Variants in TAMM41 observed in about 807,000 individuals in gnomAD.
TAMM41 encodes phosphatidate cytidylyltransferase, mitochondrial.
In TAMM41, 36 loss-of-function variants were observed where a neutral mutation model predicts 44.1. The ratio of observed to expected loss-of-function variants is 0.82; its 90% CI spans 0.63 to 1.08. TAMM41 has a LOEUF of 1.08. TAMM41 is among the 50% of genes least tolerant of loss of function. TAMM41 has a pLI of 0.00. For synonymous variants in TAMM41, 164 were observed against 153.1 expected (o/e 1.07, Z -0.53); for missense variants, 417 against 404.3 (o/e 1.03, Z -0.27).
At chr3:11,760,707 C>T in the TAMM41 span, among the ~76,000 whole-genome samples, 1 of 151,970 alleles carries the variant, frequency 6.6e-6, no homozygotes, top group Non-Finnish European at 1.5e-5. Context: ...ACTATAGGGG[C>T]CCGCCACCAT....
At chr3:11,831,496 T>A (rs768461169) in intron 3 of TAMM41, among the ~76,000 whole-genome samples, 2 of 152,214 alleles carry the variant, frequency 1.3e-5, no homozygotes, top group Non-Finnish European at 2.9e-5. Context: ...ATGTCTAAAA[T>A]ATATCTACCA....
chr3:11,815,349 AG>A (rs1193454921), intron 5 of TAMM41, among the ~76,000 whole-genome samples: 2 of 152,186 alleles, frequency 1.3e-5, no homozygotes, highest in African/African-American at 2.4e-5. Flanking sequence ...GGAACAGGGC[AG>A]GGGGCTCCAG....
At chr3:11,820,360 TGA>T (rs1366279919) in intron 4 of TAMM41, among the ~76,000 whole-genome samples, 1 of 152,220 alleles carries the variant, frequency 6.6e-6, no homozygotes, top group Non-Finnish European at 1.5e-5. Context: ...AGTCACTTTC[TGA>T]GAGAAGGATT....
chr3:11,736,122 T>C, the TAMM41 span, among the ~76,000 whole-genome samples: 1 of 152,166 alleles, frequency 6.6e-6, no homozygotes, highest in Non-Finnish European at 1.5e-5. Context: ...TCCTGTGTAG[T>C]TTCCAAAATG....
At chr3:11,767,295 CT>C in the TAMM41 span, among the ~76,000 whole-genome samples, 105 of 152,266 alleles carry the variant, frequency 6.9e-4, 1 homozygote, top group East Asian at 0.018. Flanking sequence ...TCTCGAACTC[CT>C]GACTTCAAGT....
chr3:11,777,122 T>C, the TAMM41 span, among the ~76,000 whole-genome samples: 1 of 152,226 alleles, frequency 6.6e-6, no homozygotes, highest in Non-Finnish European at 1.5e-5. Context: ...AGCTCCTAAG[T>C]GTTCTCACCA....
At chr3:11,749,751 G>T in the TAMM41 span, among the ~76,000 whole-genome samples, 1 of 152,290 alleles carries the variant, frequency 6.6e-6, no homozygotes, top group South Asian at 2.1e-4. Context: ...GATCCGCTGG[G>T]TCTGCTTGTT....
the TAMM41 span, among the ~76,000 whole-genome samples, chr3:11,747,279 C>T: frequency 6.6e-6 from 1 of 152,082 alleles, no homozygotes; most frequent in Non-Finnish European, 1.5e-5. Flanking sequence ...GCCAGCTGGT[C>T]TCCAACTCCT....
At chr3:11,756,153 C>A in the TAMM41 span, among the ~76,000 whole-genome samples, 2 of 152,206 alleles carry the variant, frequency 1.3e-5, no homozygotes, top group Admixed American at 1.3e-4. Context: ...ATAGTAGGTG[C>A]TCAATAAATG....
the TAMM41 span, among the ~76,000 whole-genome samples, chr3:11,750,585 C>T: frequency 6.6e-6 from 1 of 152,156 alleles, no homozygotes; most frequent in East Asian, 1.9e-4. Context: ...TCTGGGATTA[C>T]AGGTGTGAGC....
intron 7 of TAMM41, among the ~76,000 whole-genome samples, chr3:11,794,330 G>A (rs2077556290): frequency 6.6e-6 from 1 of 151,904 alleles, no homozygotes; most frequent in Admixed American, 6.6e-5. Context: ...TAGAGATGGG[G>A]TCTTGCTTTG....
At chr3:11,722,393 G>A in the TAMM41 span, among the ~76,000 whole-genome samples, 1 of 152,136 alleles carries the variant, frequency 6.6e-6, no homozygotes, top group African/African-American at 2.4e-5. Flanking sequence ...TTGTTGTAAA[G>A]GTCTAGGGGG....
the TAMM41 span, among the ~76,000 whole-genome samples, chr3:11,747,877 A>ATTTTTT: frequency 2.6e-5 from 1 of 38,766 alleles, no homozygotes; most frequent in South Asian, 1.6e-3. Context: ...CTATTTATTT[A>ATTTTTT]TTTATTTTTT....
In TAMM41 at chr3:11,846,615, T is replaced by C. The variant is rs2079708522; in HGVS notation, c.22A>G (p.Ser8Gly). 3 of 1,614,116 alleles carry C rather than the reference T, an allele frequency of 1.9e-6. No individual in the cohort carries two copies. The East Asian group carries it at 6.7e-5, about 36-fold the overall frequency. The change falls in exon 1 of 8, where the codon AGC (serine) becomes GGC (glycine). Residue 8 changes from serine (S) to glycine (G), a missense_variant. Coordinates refer to ENST00000455809, the MANE Select transcript of TAMM41 (RefSeq NM_001284401.2). MALQTLQ[S>G]SWVTFRKILS... The stretch of plus-strand genomic sequence containing the variant: ...ATCTTGCGGAAGGTCACCCACGAGC[T>C]CTGCAGCGTCTGCAGCGCCATGGGG...
At chr3:11,750,086 T>C in the TAMM41 span, among the ~76,000 whole-genome samples, 57 of 151,582 alleles carry the variant, frequency 3.8e-4, no homozygotes, top group African/African-American at 9.7e-4. Context: ...TTAGTAGAGA[T>C]GGGGTTTCAC....
the TAMM41 span, among the ~76,000 whole-genome samples, chr3:11,723,444 G>C: frequency 6.6e-6 from 1 of 152,068 alleles, no homozygotes; most frequent in African/African-American, 2.4e-5. Flanking sequence ...GCTGGGCGTG[G>C]TGGCACATGC....
the TAMM41 span, among the ~76,000 whole-genome samples, chr3:11,725,775 T>C: frequency 3.3e-5 from 5 of 152,204 alleles, no homozygotes; most frequent in African/African-American, 1.2e-4. Context: ...TAGAAATGAT[T>C]GCCGGCTGAT....
At chr3:11,729,369 C>A in the TAMM41 span, among the ~76,000 whole-genome samples, 1 of 151,826 alleles carries the variant, frequency 6.6e-6, no homozygotes, top group Non-Finnish European at 1.5e-5. Flanking sequence ...AATTTGGCCG[C>A]TGCTGTCAGA....
the TAMM41 span, among the ~76,000 whole-genome samples, chr3:11,752,777 C>T: frequency 2.6e-5 from 4 of 151,760 alleles, no homozygotes; most frequent in Non-Finnish European, 5.9e-5. Context: ...GTAACTGGGA[C>T]TACAGGTGCT....
Sources: gnomAD v4.1 joint callset for allele counts (sites outside exome capture counted in the v4.1 genomes callset) on GRCh38, gnomAD v4.1.1 for gene constraint, MANE v1.5 for transcripts, NCBI Gene and HGNC (gene_info 2026-07-23, HGNC 2026-07-21) for gene names.